The following NELFCD variants were observed in gnomAD, a reference collection of about 807,000 sequenced individuals.
NELFCD encodes the protein negative elongation factor C/D.
Under a neutral mutation model 72.9 loss-of-function variants are expected in NELFCD, and 48 were observed. That is an observed-to-expected ratio of 0.66 (90% confidence interval 0.52 to 0.84). The LOEUF is 0.84. Among genes scored for constraint, NELFCD ranks in the 40% least tolerant of loss-of-function variants. The probability of loss-of-function intolerance (pLI) is 0.00; values close to 1 mark genes in which losing one functional copy is unlikely to be tolerated. For synonymous variants in NELFCD, 297 were observed against 280.6 expected (o/e 1.06, Z -0.59); for missense variants, 538 against 723.8 (o/e 0.74, Z 2.94).
rs1201745277 is a variant in NELFCD, at chr20:58,981,303, C to T, written c.-7C>T. ...AGGGCATGGCGGGGGCCGTGCCGGGCGCCATCATGGACGAGGACTACTACG... is the reference window on the plus strand; with the variant it reads ...AGGGCATGGCGGGGGCCGTGCCGGGTGCCATCATGGACGAGGACTACTACG... On this transcript the variant is annotated 5_prime_UTR_variant, in exon 1 of 15. Transcript: ENST00000652272. 2 of 1,080,282 alleles carry T rather than the reference C, an allele frequency of 1.9e-6. No individual in the cohort carries two copies. The highest frequency in any genetic ancestry group is 2.3e-6 in the Non-Finnish European group (2 of 888,866). 66.9% of individuals were successfully genotyped at this position (1,080,282 alleles called of 1,614,324 possible). A position where few individuals can be genotyped will look rare whatever the true frequency, so the allele number is the denominator to read the frequency against.
At chr20:58,988,271 TTAG>T (rs2091787030) in intron 4 of NELFCD, among the ~76,000 whole-genome samples, 1 of 151,834 alleles carries the variant, frequency 6.6e-6, no homozygotes, top group Non-Finnish European at 1.5e-5. Context: ...GGAATGAGGG[TTAG>T]TAGGAAGAAT....
At chr20:58,983,129 G>A (rs1367498970) in intron 1 of NELFCD, among the ~76,000 whole-genome samples, 3 of 148,472 alleles carry the variant, frequency 2.0e-5, no homozygotes, top group Admixed American at 6.9e-5. Flanking sequence ...ATCACCTTGA[G>A]CCTTTTTTTC....
chr20:58,990,400 CAA>C (rs34301819), intron 7 of NELFCD: 282 of 123,318 alleles, frequency 2.3e-3, no homozygotes, highest in South Asian at 5.2e-3. Flanking sequence ...AACTCTGTCT[CAA>C]AAAAAAAAAA....
At chr20:58,992,108 C>G in intron 10 of NELFCD, 88 bp downstream of exon 10, 2 of 1,333,198 alleles carry the variant, frequency 1.5e-6, no homozygotes, top group East Asian at 4.7e-5. Context: ...ATAACAAAAG[C>G]TTCAGCGATA....
chr20:58,991,964 G>C lies in NELFCD; in HGVS notation c.1173G>C (p.Glu391Asp). Residue 391 changes from glutamate to aspartate, a missense_variant, in exon 10 of 15, where the codon GAG becomes GAC. Transcript: ENST00000652272. The part of the protein sequence containing the change: ...VETVHNLCCN[E>D]NKGASELVAE... ...CCGTTCACAATTTGTGTTGCAACGA[G>C]AACAAAGGGGCCTCTGAACTAGTGG... is the stretch of plus-strand genomic sequence containing the variant. The C allele has an allele frequency of 6.2e-7, 1 of 1,614,186 alleles. No individual in the cohort carries two copies. Among genetic ancestry groups the C allele is most frequent in the South Asian group, 1.1e-5 (1 of 91,084 alleles).
Position 58,993,389 on chromosome 20 carries a change from TTC to T in NELFCD, c.1345-56_1345-55del. 2 of 1,523,948 alleles carry T rather than the reference TTC, an allele frequency of 1.3e-6. No homozygotes were observed. The highest frequency in any genetic ancestry group is 1.8e-6 in the Non-Finnish European group (2 of 1,106,914). 94.4% of individuals were successfully genotyped at this position (1,523,948 alleles called of 1,614,324 possible). ...TTTGGTGGCTGTGACAGTGCCCAGT[TTC>T]TCTGTGTGCTGAGCGTGACCACACT... On this transcript the variant is annotated intron_variant, in intron 11 of 14. Transcript: ENST00000652272. The surrounding 1 kb of genome is among the most constrained non-coding windows in gnomAD (Gnocchi z 5.0).
chr20:58,983,769 A>G (rs756176406), intron 1 of NELFCD, among the ~76,000 whole-genome samples: 2 of 152,176 alleles, frequency 1.3e-5, no homozygotes, highest in African/African-American at 4.8e-5. Flanking sequence ...ACTGGGGCAT[A>G]TAAGGGCCAT....
chr20:58,981,460 G>T (rs1601207880), intron 1 of NELFCD, 91 bp downstream of exon 1: 2 of 470,192 alleles, frequency 4.3e-6, no homozygotes, highest in Non-Finnish European at 5.7e-6. Flanking sequence ...CGCGCGGCGC[G>T]AGGCTGCGGG....
At chr20:58,984,853 G>C (rs2091761176) in intron 1 of NELFCD, among the ~76,000 whole-genome samples, 1 of 152,208 alleles carries the variant, frequency 6.6e-6, no homozygotes, top group African/African-American at 2.4e-5. Flanking sequence ...GGAAGCCCAA[G>C]AGAACAGACA....
chr20:58,986,702 TTG>T lies in NELFCD; in HGVS notation c.177-50_177-49del. On this transcript the variant is annotated intron_variant, in intron 2 of 14. Coordinates refer to ENST00000652272, the MANE Select transcript of NELFCD (RefSeq NM_198976.4). This position sits in a 1 kb window ranked among gnomAD's most constrained non-coding sequence, Gnocchi z 4.4. ...CTCTTCCTCCTTCCTTACCTTCCTGTTGTCCATCATTCCATTCATTCGGGTGT... is the reference window on the plus strand; with the variant it reads ...CTCTTCCTCCTTCCTTACCTTCCTGTTCCATCATTCCATTCATTCGGGTGT... 1 of 1,203,884 alleles carries T rather than the reference TTG, an allele frequency of 8.3e-7. No homozygotes were observed. The highest frequency in any genetic ancestry group is 1.5e-5 in the African/African-American group (1 of 66,928). The allele number at this position is 1,203,884 out of a possible 1,614,324, so 74.6% of individuals were successfully genotyped here.
intron 1 of NELFCD, among the ~76,000 whole-genome samples, chr20:58,982,273 C>G (rs1345492816): frequency 1.3e-5 from 2 of 150,986 alleles, no homozygotes. Flanking sequence ...TCTCCTGCCT[C>G]AGCCTCCCGA....
intron 3 of NELFCD, chr20:58,987,202 G>A (rs138460425): frequency 2.9e-5 from 8 of 279,124 alleles, no homozygotes; most frequent in East Asian, 2.8e-4. Flanking sequence ...AGTAAATGAC[G>A]GATAATTTAG....
rs150954057 is a variant in NELFCD, at chr20:58,994,187, C to T, written c.1659C>T (p.Ile553=). 443 of 1,614,182 alleles carry T rather than the reference C, an allele frequency of 2.7e-4. No individual in the cohort carries two copies. Among genetic ancestry groups the T allele is most frequent in the Non-Finnish European group, 3.2e-4 (383 of 1,179,994 alleles). The change falls in exon 14 of 15, where the codon ATC becomes ATT. Residue 553 remains isoleucine, a synonymous_variant. Coordinates refer to ENST00000652272, the MANE Select transcript of NELFCD (RefSeq NM_198976.4). The part of the protein sequence containing the change: ...LFLPILENDS[I]AGTIKTEGEH... Reference sequence around the variant, plus strand: ...TCCCCATCCTGGAGAATGACAGCATCGCAGGTACCATCAAAACGGAAGGCG... The same window carrying T: ...TCCCCATCCTGGAGAATGACAGCATTGCAGGTACCATCAAAACGGAAGGCG...
At position 58,994,829 on chromosome 20, in the gene NELFCD, C is replaced by A; in HGVS notation, c.*153C>A. 4.6e-6 allele frequency: 3 copies of A among 657,908 alleles called. No individual in the cohort carries two copies. The highest frequency in any genetic ancestry group is 3.6e-5 in the South Asian group (2 of 55,414). 40.8% of individuals were successfully genotyped at this position (657,908 alleles called of 1,614,324 possible). On this transcript the variant is annotated 3_prime_UTR_variant, in exon 15 of 15. Coordinates refer to ENST00000652272, the MANE Select transcript of NELFCD (RefSeq NM_198976.4). Reference sequence around the variant, plus strand: ...ACTTCTTTACAAAGGAAAATGGTAGCAGCTTCAGTGAGAAACTGCCCTTAC... The same window carrying A: ...ACTTCTTTACAAAGGAAAATGGTAGAAGCTTCAGTGAGAAACTGCCCTTAC...
chr20:58,983,813 G>A (rs765688099), intron 1 of NELFCD, among the ~76,000 whole-genome samples: 1 of 152,286 alleles, frequency 6.6e-6, no homozygotes, highest in East Asian at 1.9e-4. Context: ...GACCAAGCAC[G>A]TGAGTTATTT....
chr20:58,992,874 G>A, intron 10 of NELFCD, 124 bp from the exon 11 acceptor site: 2 of 659,874 alleles, frequency 3.0e-6, no homozygotes, highest in Non-Finnish European at 5.4e-6. Flanking sequence ...AAAGGGTTGG[G>A]GGGCGTATTG....
chr20:58,990,850 A>C, intron 7 of NELFCD, 60 bp from the exon 8 acceptor site: 3 of 1,470,442 alleles, frequency 2.0e-6, no homozygotes, highest in African/African-American at 1.4e-5. Context: ...TATGTGTAAA[A>C]AAGAACAGAA....
At position 58,989,947 on chromosome 20, in the gene NELFCD, G is replaced by A. The variant is rs1380372583; in HGVS notation, c.747G>A (p.Val249=). 1.9e-6 allele frequency: 3 copies of A among 1,613,938 alleles called. No homozygotes were observed. The South Asian group carries it at 3.3e-5, about 18-fold the overall frequency. The change falls in exon 7 of 15, where the codon GTG becomes GTA. Residue 249 remains valine (V), a synonymous_variant. Transcript: ENST00000652272. ...LAQEEQGGSA[V]RRIAQEVQRF... ...AGGAGGAGCAGGGGGGCTCCGCTGTGCGCAGGATCGCCCAGGAAGTGCAGC... is the reference window on the plus strand; with the variant it reads ...AGGAGGAGCAGGGGGGCTCCGCTGTACGCAGGATCGCCCAGGAAGTGCAGC...
At position 58,993,787 on chromosome 20, in the gene NELFCD, C is replaced by T; in HGVS notation, c.1581+23C>T. 1 of 1,612,578 alleles carries T rather than the reference C, an allele frequency of 6.2e-7. No homozygotes were observed. Among genetic ancestry groups the T allele is most frequent in the Middle Eastern group, 1.6e-4 (1 of 6,062 alleles). On this transcript the variant is annotated intron_variant, in intron 13 of 14. Transcript: ENST00000652272. This position sits in a 1 kb window ranked among gnomAD's most constrained non-coding sequence, Gnocchi z 5.0. ...GAGGTCAGCAATGCACCGTTGGTTT[C>T]ATGTTTCATACTGTTTACACTAGCA... is the stretch of plus-strand genomic sequence containing the variant.
Sources: allele counts gnomAD v4.1 joint callset (sites outside exome capture counted in the v4.1 genomes callset), GRCh38; gene constraint gnomAD v4.1.1; non-coding constraint Gnocchi (gnomAD v3.1); transcripts MANE v1.5; gene names NCBI Gene and HGNC (gene_info 2026-07-23, HGNC 2026-07-21).